SASS6: variants seen among roughly 807,000 people sequenced by gnomAD.
SASS6 encodes the protein spindle assembly abnormal protein 6 homolog.
Under a neutral mutation model 94.9 loss-of-function variants are expected in SASS6, and 59 were observed. That is an observed-to-expected ratio of 0.62 (90% confidence interval 0.50 to 0.77). SASS6 has a LOEUF of 0.77. SASS6 is among the 30% of genes least tolerant of loss of function. The pLI, the probability that SASS6 is intolerant of heterozygous loss-of-function variation, is 0.00. For missense variants in SASS6, 698 were observed against 734.1 expected, an observed-to-expected ratio of 0.95 and a Z score of 0.57; for synonymous variants, 264 against 270.0, an observed-to-expected ratio of 0.98 and a Z score of 0.22.
chr1:100,121,299 G>A, intron 5 of SASS6, 79 bp downstream of exon 5: 4 of 773,824 alleles, frequency 5.2e-6, no homozygotes, highest in Non-Finnish European at 8.1e-6. Flanking sequence ...AAAACTTATG[G>A]CAATGTATCT....
intron 11 of SASS6, 72 bp downstream of exon 11, chr1:100,107,301 AT>A (rs1204314089): frequency 2.2e-6 from 2 of 911,750 alleles, no homozygotes; most frequent in Non-Finnish European, 3.4e-6. Flanking sequence ...CCATTTGTTA[AT>A]GTAACAAAGC....
At chr1:100,088,724 C>T (rs1252940420) in intron 14 of SASS6, among the ~76,000 whole-genome samples, 1 of 151,748 alleles carries the variant, frequency 6.6e-6, no homozygotes, top group Non-Finnish European at 1.5e-5. Flanking sequence ...ACCTGTAGTC[C>T]CAGATATATG....
At chr1:100,114,777 T>C (rs1653665595) in intron 7 of SASS6, among the ~76,000 whole-genome samples, 1 of 151,902 alleles carries the variant, frequency 6.6e-6, no homozygotes, top group Admixed American at 6.6e-5. Flanking sequence ...ATTGATACAA[T>C]AGTTTATTAA....
intron 16 of SASS6, 26 bp from the exon 17 acceptor site, chr1:100,085,460 A>C: frequency 1.3e-6 from 2 of 1,566,832 alleles, no homozygotes; most frequent in Non-Finnish European, 1.8e-6. Flanking sequence ...AAAAAAGGTT[A>C]CTGGTATTCA....
intron 2 of SASS6, among the ~76,000 whole-genome samples, chr1:100,125,217 G>A (rs1654516045): frequency 6.8e-6 from 1 of 148,058 alleles, no homozygotes; most frequent in African/African-American, 2.6e-5. Context: ...ATTCTACAAG[G>A]CAGCAGTGTG....
At chr1:100,108,617 T>A (rs549586831) in intron 8 of SASS6, among the ~76,000 whole-genome samples, 31 of 152,238 alleles carry the variant, frequency 2.0e-4, no homozygotes, top group African/African-American at 7.0e-4. Context: ...CAGGATACAA[T>A]ATTCCTAGAT....
intron 14 of SASS6, among the ~76,000 whole-genome samples, chr1:100,100,782 TAA>T (rs1256120488): frequency 1.3e-5 from 2 of 152,224 alleles, no homozygotes; most frequent in Non-Finnish European, 2.9e-5. Context: ...GTACATGTTT[TAA>T]TCAACATAGC....
chr1:100,126,625 A>C (rs1250492721), intron 1 of SASS6, among the ~76,000 whole-genome samples: 1 of 152,090 alleles, frequency 6.6e-6, no homozygotes, highest in Non-Finnish European at 1.5e-5. Context: ...AAAAATACAA[A>C]AACAAGCCAG....
chr1:100,107,784 T>C, intron 9 of SASS6, 26 bp downstream of exon 9: 1 of 1,570,248 alleles, frequency 6.4e-7, no homozygotes. Context: ...TGATTATCAA[T>C]TTCTGAGAAA....
At chr1:100,106,673 A>T (rs1383002522) in intron 12 of SASS6, among the ~76,000 whole-genome samples, 3 of 152,042 alleles carry the variant, frequency 2.0e-5, no homozygotes, top group African/African-American at 7.2e-5. Flanking sequence ...GCAACATGAT[A>T]AAATCTCGTC....
chr1:100,111,515 C>T (rs1296924343), intron 7 of SASS6, among the ~76,000 whole-genome samples: 1 of 151,816 alleles, frequency 6.6e-6, no homozygotes, highest in Non-Finnish European at 1.5e-5. Context: ...ATTTTTTTTG[C>T]ACAGACATAC....
At position 100,122,422 on chromosome 1, in the gene SASS6, A is replaced by C. The variant is rs1300878976; in HGVS notation, c.269T>G (p.Leu90Arg). ...FLAFPQKFIDLLQQCTQEHAK... is the reference protein window; with the variant it reads ...FLAFPQKFIDRLQQCTQEHAK... Reference sequence around the variant, plus strand: ...ATGTTCTTGAGTACATTGCTGAAGGAGATCTATAAATTTTTGTGGGAAAGC... The same window carrying C: ...ATGTTCTTGAGTACATTGCTGAAGGCGATCTATAAATTTTTGTGGGAAAGC... The change falls in exon 4 of 17, where the codon CTC (leucine) becomes CGC (arginine). Residue 90 changes from leucine to arginine, a missense_variant. Leu to Arg is a moderately radical substitution (Grantham distance 102). Transcript: ENST00000287482. 1.9e-6 allele frequency: 3 copies of C among 1,583,190 alleles called. No individual in the cohort carries two copies. The African/African-American group carries it at 4.0e-5, about 21-fold the overall frequency.
chr1:100,125,179 G>C (rs1159586193), intron 2 of SASS6, among the ~76,000 whole-genome samples: 1 of 151,098 alleles, frequency 6.6e-6, no homozygotes, highest in African/African-American at 2.4e-5. Context: ...TCGGTTTATT[G>C]TTTTTACATT....
chr1:100,118,887 GATTTTT>G (rs779376084), intron 7 of SASS6, 125 bp downstream of exon 7: 69 of 497,624 alleles, frequency 1.4e-4, no homozygotes, highest in Non-Finnish European at 2.0e-4. Context: ...TGAAAGAGAG[GATTTTT>G]ATTTTTATTT....
intron 8 of SASS6, among the ~76,000 whole-genome samples, chr1:100,108,376 G>A (rs1281299516): frequency 1.3e-5 from 2 of 152,028 alleles, no homozygotes; most frequent in Non-Finnish European, 2.9e-5. Context: ...TTGCTTACAT[G>A]TACAGATTGT....
At chr1:100,095,490 G>GCCACTGCACTCCAGGCTAGGTGACA (rs1652045694) in intron 14 of SASS6, among the ~76,000 whole-genome samples, 1 of 152,164 alleles carries the variant, frequency 6.6e-6, no homozygotes, top group South Asian at 2.1e-4. Context: ...CCAAGAATGT[G>GCCACTGCACTCCAGGCTAGGTGACA]CCACTGCACT....
chr1:100,090,333 T>TA (rs1359917907), intron 14 of SASS6, among the ~76,000 whole-genome samples: 3 of 151,674 alleles, frequency 2.0e-5, no homozygotes. Context: ...GGCTGGAAAA[T>TA]AAAAAAATAG....
intron 12 of SASS6, among the ~76,000 whole-genome samples, chr1:100,106,260 A>T (rs958449870): frequency 6.6e-6 from 1 of 152,142 alleles, no homozygotes; most frequent in Non-Finnish European, 1.5e-5. Context: ...TCTTATTTTT[A>T]TGTTTTGTTT....
chr1:100,096,410 T>C (rs914619313), intron 14 of SASS6, among the ~76,000 whole-genome samples: 4 of 152,218 alleles, frequency 2.6e-5, no homozygotes, highest in African/African-American at 9.6e-5. Context: ...CAGATCTAAA[T>C]GTAACAACTA....
Sources: allele counts gnomAD v4.1 joint callset (sites outside exome capture counted in the v4.1 genomes callset), GRCh38; gene constraint gnomAD v4.1.1; transcripts MANE v1.5; gene names NCBI Gene and HGNC (gene_info 2026-07-23, HGNC 2026-07-21).